Variants in RAB11FIP4 observed in about 807,000 individuals in gnomAD.
RAB11FIP4 encodes RAB11 family interacting protein 4.
RAB11FIP4 carries 23 observed loss-of-function variants against 74.3 expected under a neutral mutation model. That is an observed-to-expected ratio of 0.31 (90% CI 0.22 to 0.44). The LOEUF (loss-of-function observed/expected upper bound fraction) is 0.44. Among genes scored for constraint, RAB11FIP4 ranks in the 20% least tolerant of loss-of-function variants. The probability of loss-of-function intolerance (pLI) is 1.00; values close to 1 mark genes in which losing one functional copy is unlikely to be tolerated. For synonymous variants in RAB11FIP4, 360 were observed against 359.9 expected (o/e 1.00, Z 0.00); for missense variants, 630 against 863.9 (o/e 0.73, Z 3.39).
At chr17:31,522,224 G>C in intron 6 of RAB11FIP4, 136 bp from the exon 7 acceptor site, 1 of 1,271,098 alleles carries the variant, frequency 7.9e-7, no homozygotes, top group East Asian at 2.3e-5. Context: ...TTCTTCTCAG[G>C]ACCAAGCTGA....
At position 31,523,945 on chromosome 17, in the gene RAB11FIP4, A is replaced by C; in HGVS notation, c.1082A>C (p.Asn361Thr). ...GAGCTGGAGAATGACAGCCTGACCAATGGGGACCTGAAGAGCAAGCTGAAG... is the reference window on the plus strand; with the variant it reads ...GAGCTGGAGAATGACAGCCTGACCACTGGGGACCTGAAGAGCAAGCTGAAG... ...VTELENDSLTNGDLKSKLKQE... is the reference protein window; with the variant it reads ...VTELENDSLTTGDLKSKLKQE... The change falls in exon 9 of 15, where the codon AAT (asparagine) becomes ACT (threonine). Residue 361 changes from asparagine to threonine, a missense_variant. Transcript: ENST00000621161. 6.2e-7 allele frequency: 1 copy of C among 1,612,842 alleles called. No homozygotes were observed. Among genetic ancestry groups the C allele is most frequent in the Admixed American group, 1.7e-5 (1 of 59,898 alleles).
chr17:31,461,102 CTTG>C (rs2071630018), intron 3 of RAB11FIP4, among the ~76,000 whole-genome samples: 3 of 150,610 alleles, frequency 2.0e-5, no homozygotes, highest in Admixed American at 6.6e-5. Context: ...ACTCATAGCC[CTTG>C]CTGCCAACAA....
chr17:31,422,629 A>T (rs2071210689), intron 1 of RAB11FIP4, among the ~76,000 whole-genome samples: 2 of 152,162 alleles, frequency 1.3e-5, no homozygotes, highest in Admixed American at 1.3e-4. Context: ...TGTTTGGATT[A>T]GGCAATTTCT....
intron 3 of RAB11FIP4, among the ~76,000 whole-genome samples, chr17:31,503,666 T>A (rs2072262762): frequency 6.7e-6 from 1 of 149,814 alleles, no homozygotes. Context: ...TCTTATGACC[T>A]CAGCCATCCA....
At chr17:31,484,275 T>G (rs914458244) in intron 3 of RAB11FIP4, among the ~76,000 whole-genome samples, 5 of 151,878 alleles carry the variant, frequency 3.3e-5, no homozygotes, top group African/African-American at 1.2e-4. Flanking sequence ...TTCGTCACGT[T>G]GGCCAGGCTG....
In RAB11FIP4 at chr17:31,411,154, C is replaced by G. The variant is rs554373669; in HGVS notation, c.159+19143C>G. Among the ~76,000 whole-genome samples the G allele has an allele frequency of 3.3e-5, 5 of 152,196 alleles. No individual in the cohort carries two copies. The South Asian group carries it at 1.0e-3, about 32-fold the overall frequency. On this transcript the variant is annotated intron_variant, in intron 1 of 14. Coordinates refer to ENST00000621161, the MANE Select transcript of RAB11FIP4 (RefSeq NM_032932.6). ...CGAGGCGGGTGGATTCCAAGGTCAA[C>G]AGATCGAGACCATCCTGGCTAACAT... is the stretch of plus-strand genomic sequence containing the variant.
At chr17:31,493,419 G>T (rs2072050776) in intron 3 of RAB11FIP4, among the ~76,000 whole-genome samples, 1 of 151,626 alleles carries the variant, frequency 6.6e-6, no homozygotes, top group African/African-American at 2.4e-5. Flanking sequence ...CGCTGTGCAA[G>T]CCTGATACCA....
intron 10 of RAB11FIP4, 25 bp downstream of exon 10, chr17:31,525,255 C>G: frequency 1.3e-6 from 2 of 1,531,332 alleles, no homozygotes; most frequent in Non-Finnish European, 1.8e-6. Flanking sequence ...CGAGCCCCCT[C>G]CCTCAGAGGG....
In RAB11FIP4 at chr17:31,537,385, G is replaced by C. The variant is rs147613600; in HGVS notation, c.*5653G>C. On this transcript the variant is annotated 3_prime_UTR_variant, in exon 15 of 15. Coordinates refer to ENST00000621161, the MANE Select transcript of RAB11FIP4 (RefSeq NM_032932.6). ...AATCTTTCATTATTGTCTTAAGCAT[G>C]GGGGGCTAGGACCCACTTAGTCCCT... 2,419 of 395,904 alleles carry C rather than the reference G, an allele frequency of 6.1e-3. 10 individuals are homozygous for C. Among genetic ancestry groups the C allele is most frequent in the Non-Finnish European group, 8.1e-3 (1,817 of 224,552 alleles). The allele number at this position is 395,904 out of a possible 1,614,324, so 24.5% of individuals were successfully genotyped here.
chr17:31,433,591 A>C (rs2071329710), intron 2 of RAB11FIP4, among the ~76,000 whole-genome samples: 1 of 152,226 alleles, frequency 6.6e-6, no homozygotes, highest in Non-Finnish European at 1.5e-5. Flanking sequence ...CAGGAACTGC[A>C]GCTGTCCTGC....
intron 3 of RAB11FIP4, among the ~76,000 whole-genome samples, chr17:31,474,870 CAAAACAAAAA>C (rs775995464): frequency 7.5e-4 from 88 of 116,790 alleles, no homozygotes; most frequent in East Asian, 4.0e-3. Flanking sequence ...CAAAACAAAA[CAAAACAAAAA>C]ACAAAAAAAA....
At chr17:31,482,020 G>A (rs974356231) in intron 3 of RAB11FIP4, among the ~76,000 whole-genome samples, 3 of 152,156 alleles carry the variant, frequency 2.0e-5, no homozygotes, top group Non-Finnish European at 4.4e-5. Flanking sequence ...TGTTTCCACA[G>A]TCCAAGATCC....
chr17:31,470,150 C>T (rs2071724085), intron 3 of RAB11FIP4, among the ~76,000 whole-genome samples: 1 of 152,140 alleles, frequency 6.6e-6, no homozygotes, highest in East Asian at 1.9e-4. Flanking sequence ...GCTTCTGAGA[C>T]CCATCCCACA....
Position 31,534,376 on chromosome 17 carries a change from T to G in RAB11FIP4, c.*2644T>G, listed in dbSNP as rs2072923940. 1 of 152,138 alleles carries G rather than the reference T, an allele frequency of 6.6e-6. No homozygotes were observed. Among genetic ancestry groups the G allele is most frequent in the Admixed American group, 6.5e-5 (1 of 15,272 alleles). 9.4% of individuals were successfully genotyped at this position (152,138 alleles called of 1,614,324 possible). On this transcript the variant is annotated 3_prime_UTR_variant, in exon 15 of 15. Transcript: ENST00000621161. ...TTGAACTCCCAGGCTCAAGCGATCC[T>G]CCCGCCTTAACTGCCTGAGTAGCTG... is the stretch of plus-strand genomic sequence containing the variant.
At chr17:31,476,875 C>T (rs1261970877) in intron 3 of RAB11FIP4, among the ~76,000 whole-genome samples, 2 of 152,210 alleles carry the variant, frequency 1.3e-5, no homozygotes, top group African/African-American at 4.8e-5. Flanking sequence ...CAGCCCAGCC[C>T]TGGCAGGGGA....
intron 3 of RAB11FIP4, among the ~76,000 whole-genome samples, chr17:31,470,543 GGC>G (rs1484536512): frequency 6.6e-6 from 1 of 152,192 alleles, no homozygotes; most frequent in Non-Finnish European, 1.5e-5. Flanking sequence ...CCACAGGCCT[GGC>G]AGAAGCAGGA....
At chr17:31,476,243 G>A (rs1434843329) in intron 3 of RAB11FIP4, among the ~76,000 whole-genome samples, 1 of 138,222 alleles carries the variant, frequency 7.2e-6, no homozygotes, top group Admixed American at 8.1e-5. Flanking sequence ...GGAGTGCAGT[G>A]GTGCAATCTT....
intron 3 of RAB11FIP4, among the ~76,000 whole-genome samples, chr17:31,452,468 CT>C (rs1215670357): frequency 6.6e-6 from 1 of 152,192 alleles, no homozygotes; most frequent in Non-Finnish European, 1.5e-5. Context: ...TCTCGCTTTC[CT>C]GTGCGTGTCA....
At chr17:31,497,656 G>T (rs79636014) in intron 3 of RAB11FIP4, among the ~76,000 whole-genome samples, 5,221 of 152,188 alleles carry the variant, frequency 0.034, 282 homozygotes, top group African/African-American at 0.12. Flanking sequence ...TCTGGCTGGA[G>T]CAGTACAGAG....
Sources: allele counts gnomAD v4.1 joint callset (sites outside exome capture counted in the v4.1 genomes callset), GRCh38; gene constraint gnomAD v4.1.1; transcripts MANE v1.5; gene names NCBI Gene and HGNC (gene_info 2026-07-23, HGNC 2026-07-21).